Variants in PPARG observed in about 807,000 individuals in gnomAD.
PPARG encodes the protein peroxisome proliferator activated receptor gamma, also known as peroxisome proliferator-activated receptor gamma.
PPARG carries 17 observed loss-of-function variants against 39.2 expected under a neutral mutation model. That is an observed-to-expected ratio of 0.43 (90% CI 0.30 to 0.65). The LOEUF (loss-of-function observed/expected upper bound fraction) is 0.65, where lower values mean the gene tolerates loss of function less well. Ranked by LOEUF, PPARG falls within the 30% of genes least tolerant of loss-of-function variation. PPARG has a pLI of 0.13. For synonymous variants in PPARG, 223 were observed against 215.7 expected (o/e 1.03, Z -0.30); for missense variants, 406 against 585.9 (o/e 0.69, Z 3.17).
chr3:12,329,606 C>T (rs1186404389), intron 2 of PPARG, among the ~76,000 whole-genome samples: 1 of 151,990 alleles, frequency 6.6e-6, no homozygotes. Flanking sequence ...ACAAGTTGCC[C>T]ATTCTATCAT....
At chr3:12,371,714 C>A in intron 2 of PPARG, 1 of 452,586 alleles carries the variant, frequency 2.2e-6, no homozygotes. Flanking sequence ...GAATGCCAGG[C>A]TCAGAGGAGC....
chr3:12,357,185 C>T (rs2048693944), intron 2 of PPARG, among the ~76,000 whole-genome samples: 2 of 152,060 alleles, frequency 1.3e-5, no homozygotes, highest in South Asian at 4.2e-4. Flanking sequence ...TCCGTCACTC[C>T]ACCCATAGCC....
intron 5 of PPARG, among the ~76,000 whole-genome samples, chr3:12,393,530 T>C (rs917017531): frequency 6.6e-6 from 1 of 152,148 alleles, no homozygotes; most frequent in Non-Finnish European, 1.5e-5. Flanking sequence ...TTGGTTCTGA[T>C]TGGTTGCCTG....
chr3:12,369,584 C>T (rs2049136905), intron 2 of PPARG, among the ~76,000 whole-genome samples: 1 of 152,064 alleles, frequency 6.6e-6, no homozygotes, highest in South Asian at 2.1e-4. Context: ...ATAATTTAGT[C>T]CTTTTACTAC....
chr3:12,404,771 T>G (rs1348738987), intron 5 of PPARG, among the ~76,000 whole-genome samples: 1 of 152,190 alleles, frequency 6.6e-6, no homozygotes, highest in Non-Finnish European at 1.5e-5. Flanking sequence ...GCCACTGCAC[T>G]CCAGCCTGGG....
chr3:12,374,674 T>C (rs760512573), intron 2 of PPARG, among the ~76,000 whole-genome samples: 94 of 152,112 alleles, frequency 6.2e-4, no homozygotes, highest in Non-Finnish European at 8.4e-4. Context: ...TCATGGACTT[T>C]AGGTGGTAAT....
chr3:12,400,071 A>G (rs1006265568), intron 5 of PPARG, among the ~76,000 whole-genome samples: 2 of 152,206 alleles, frequency 1.3e-5, no homozygotes, highest in Non-Finnish European at 2.9e-5. Flanking sequence ...ACAAACATAT[A>G]AAAAGTAGAA....
chr3:12,311,106 T>C (rs11719186), intron 1 of PPARG, among the ~76,000 whole-genome samples: 2 of 151,148 alleles, frequency 1.3e-5, no homozygotes, highest in African/African-American at 4.9e-5. Flanking sequence ...TGTATTAAAA[T>C]TTTTTTTTTA....
chr3:12,320,740 C>T (rs1053111072), intron 2 of PPARG, among the ~76,000 whole-genome samples: 2 of 152,082 alleles, frequency 1.3e-5, no homozygotes, highest in Non-Finnish European at 2.9e-5. Flanking sequence ...ATTAGCCAAG[C>T]ATGGTGGCGC....
At chr3:12,378,839 T>G (rs1369521973) in intron 2 of PPARG, among the ~76,000 whole-genome samples, 2 of 152,208 alleles carry the variant, frequency 1.3e-5, no homozygotes, top group African/African-American at 4.8e-5. Context: ...ATGTTAAGTG[T>G]TCTCACTACA....
intron 2 of PPARG, chr3:12,372,183 T>C (rs1211407326): frequency 4.2e-6 from 3 of 717,050 alleles, no homozygotes; most frequent in Non-Finnish European, 7.8e-6. Flanking sequence ...CTCTTCATAG[T>C]ACATCCCCTG....
At chr3:12,412,359 C>G (rs1325179550) in intron 6 of PPARG, among the ~76,000 whole-genome samples, 1 of 152,048 alleles carries the variant, frequency 6.6e-6, no homozygotes, top group Admixed American at 6.6e-5. Flanking sequence ...GGAAGCATGC[C>G]ATAGATCTAT....
chr3:12,324,193 C>G (rs1046597817), intron 2 of PPARG, among the ~76,000 whole-genome samples: 1 of 151,980 alleles, frequency 6.6e-6, no homozygotes, highest in Non-Finnish European at 1.5e-5. Flanking sequence ...GCAGGAAAAT[C>G]TCTTGAACCC....
chr3:12,433,226 G>A (rs2051721285), intron 7 of PPARG, among the ~76,000 whole-genome samples: 1 of 152,172 alleles, frequency 6.6e-6, no homozygotes, highest in African/African-American at 2.4e-5. Context: ...GATTCATCAG[G>A]AAGGAGCAGA....
At chr3:12,335,696 A>G (rs1449982334) in intron 2 of PPARG, among the ~76,000 whole-genome samples, 3 of 152,204 alleles carry the variant, frequency 2.0e-5, no homozygotes, top group Non-Finnish European at 4.4e-5. Context: ...CCCTGTGTGA[A>G]CCTTCAGTGG....
chr3:12,299,390 T>C (rs1426276921), intron 1 of PPARG, among the ~76,000 whole-genome samples: 1 of 152,178 alleles, frequency 6.6e-6, no homozygotes, highest in Non-Finnish European at 1.5e-5. Flanking sequence ...GGGCTCTCTC[T>C]GAGATTGGTA....
chr3:12,419,545 C>T (rs945177972), intron 7 of PPARG, among the ~76,000 whole-genome samples: 4 of 151,326 alleles, frequency 2.6e-5, no homozygotes, highest in Admixed American at 2.6e-4. Flanking sequence ...TCACTACAAC[C>T]GGGTTTTCCG....
intron 6 of PPARG, among the ~76,000 whole-genome samples, chr3:12,407,450 C>A (rs1180924947): frequency 6.6e-6 from 1 of 152,148 alleles, no homozygotes; most frequent in East Asian, 1.9e-4. Flanking sequence ...CATGAGCCAC[C>A]GCGCCCGGCT....
intron 5 of PPARG, 24 bp from the exon 6 acceptor site, chr3:12,405,858 C>T (rs768751297): frequency 4.4e-6 from 7 of 1,603,748 alleles, no homozygotes; most frequent in East Asian, 4.5e-5. Flanking sequence ...AATGATTCAT[C>T]CTGTCATTCC....
Sources: gnomAD v4.1 joint callset for allele counts (sites outside exome capture counted in the v4.1 genomes callset) on GRCh38, gnomAD v4.1.1 for gene constraint, MANE v1.5 for transcripts, NCBI Gene and HGNC (gene_info 2026-07-23, HGNC 2026-07-21) for gene names.